The following ADARB2 variants were observed in gnomAD, a reference collection of about 807,000 sequenced individuals.
ADARB2 encodes the protein adenosine deaminase RNA specific B2 (inactive).
ADARB2 carries 25 observed loss-of-function variants against 62.2 expected under a neutral mutation model. That is an observed-to-expected ratio of 0.40 (90% CI 0.29 to 0.56). ADARB2 has a LOEUF of 0.56. ADARB2 is among the 20% of genes least tolerant of loss of function. The pLI is 0.43. For missense variants in ADARB2, 1,071 were observed against 1,077.4 expected (o/e 0.99, Z 0.08); for synonymous variants, 572 against 500.8 (o/e 1.14, Z -1.90).
chr10:1,591,107 G>C (rs1564340551), intron 1 of ADARB2, among the ~76,000 whole-genome samples: 2 of 152,220 alleles, frequency 1.3e-5, no homozygotes. Flanking sequence ...ATCCTTTGTG[G>C]TTCCTCAGAA....
At chr10:1,268,086 GT>G in intron 4 of ADARB2, among the ~76,000 whole-genome samples, 1 of 152,218 alleles carries the variant, frequency 6.6e-6, no homozygotes. Context: ...AGAAATAAAG[GT>G]TTATCTATAA....
At position 1,625,212 on chromosome 10, in the gene ADARB2, G is replaced by C. The variant is rs188851014; in HGVS notation, c.100+111839C>G. ...GCAGAAAGGAGCGTGGTGTGCGGGA[G>C]CAGAGGCTGCTCTCAGCTCATGTGC... On this transcript the variant is annotated intron_variant, in intron 1 of 9. Transcript: ENST00000381312. Among the ~76,000 whole-genome samples the C allele has an allele frequency of 7.1e-4, 108 of 152,352 alleles. 2 individuals carry two copies. The highest frequency in any genetic ancestry group is 2.4e-3 in the African/African-American group (98 of 41,578).
intron 3 of ADARB2, among the ~76,000 whole-genome samples, chr10:1,357,118 G>T (rs543000099): frequency 7.9e-5 from 12 of 152,346 alleles, no homozygotes; most frequent in Non-Finnish European, 1.6e-4. Flanking sequence ...AAAGGGCAGA[G>T]ACGTGAAACC....
intron 1 of ADARB2, among the ~76,000 whole-genome samples, chr10:1,472,837 T>G (rs1279070225): frequency 1.3e-5 from 2 of 152,120 alleles, no homozygotes; most frequent in East Asian, 3.9e-4. Context: ...AGGAGAGGGC[T>G]CCCACACACA....
rs773881090 is a variant in ADARB2, at chr10:1,182,963, A to G, written c.*230T>C. ...CACAGGAAGAGTCGGCGCTAACTCA[A>G]CAGTGCATGTGCCCCTGGGTGTGGG... On this transcript the variant is annotated 3_prime_UTR_variant, in exon 10 of 10. Coordinates refer to ENST00000381312, the MANE Select transcript of ADARB2 (RefSeq NM_018702.4). 55 of 543,740 alleles carry G rather than the reference A, an allele frequency of 1.0e-4. No individual in the cohort carries two copies. The highest frequency in any genetic ancestry group is 1.6e-4 in the Non-Finnish European group (50 of 306,152). 33.7% of individuals were successfully genotyped at this position (543,740 alleles called of 1,614,324 possible).
intron 8 of ADARB2, 63 bp from the exon 9 acceptor site, chr10:1,185,102 G>A (rs912807192): frequency 3.2e-6 from 5 of 1,539,296 alleles, no homozygotes; most frequent in Admixed American, 3.6e-5. Context: ...GCTCCCCCAA[G>A]GGCAGCTGCG....
At chr10:1,625,043 T>C (rs1268501663) in intron 1 of ADARB2, among the ~76,000 whole-genome samples, 2 of 152,354 alleles carry the variant, frequency 1.3e-5, no homozygotes, top group East Asian at 3.9e-4. Flanking sequence ...TAGCTAAAGA[T>C]TTTTCTTTTA....
intron 1 of ADARB2, among the ~76,000 whole-genome samples, chr10:1,381,874 C>T (rs1230453514): frequency 3.3e-5 from 5 of 152,098 alleles, no homozygotes; most frequent in African/African-American, 1.2e-4. Flanking sequence ...AGGTGTTGGT[C>T]TAGGGTACAA....
intron 3 of ADARB2, among the ~76,000 whole-genome samples, chr10:1,313,807 A>G (rs1199835225): frequency 2.0e-5 from 3 of 152,242 alleles, no homozygotes; most frequent in African/African-American, 7.2e-5. Flanking sequence ...ACATGCTTGC[A>G]TCAACCTTCC....
chr10:1,272,638 C>G (rs1831273849), intron 3 of ADARB2, among the ~76,000 whole-genome samples: 1 of 152,208 alleles, frequency 6.6e-6, no homozygotes, highest in African/African-American at 2.4e-5. Context: ...CCACATAGGA[C>G]AGATTGCAGA....
intron 1 of ADARB2, among the ~76,000 whole-genome samples, chr10:1,599,923 T>C (rs1314847807): frequency 6.6e-6 from 1 of 152,092 alleles, no homozygotes; most frequent in African/African-American, 2.4e-5. Context: ...TTGTATTTTT[T>C]TTCTAGAAAT....
intron 1 of ADARB2, among the ~76,000 whole-genome samples, chr10:1,679,718 C>T (rs920924263): frequency 1.3e-5 from 2 of 152,148 alleles, no homozygotes; most frequent in Non-Finnish European, 2.9e-5. Context: ...CTGACACACA[C>T]GCGGCGTCTA....
At chr10:1,322,428 T>A (rs557299976) in intron 3 of ADARB2, among the ~76,000 whole-genome samples, 1 of 152,322 alleles carries the variant, frequency 6.6e-6, no homozygotes, top group South Asian at 2.1e-4. Context: ...GATTTCTTCA[T>A]GACTTACTAC....
At chr10:1,672,201 G>A (rs1834394784) in intron 1 of ADARB2, among the ~76,000 whole-genome samples, 1 of 152,158 alleles carries the variant, frequency 6.6e-6, no homozygotes, top group African/African-American at 2.4e-5. Context: ...GTCTCCACGG[G>A]CACTGCCAAC....
intron 1 of ADARB2, among the ~76,000 whole-genome samples, chr10:1,574,756 C>A (rs78099850): frequency 0.042 from 6,416 of 151,914 alleles, 445 homozygotes; most frequent in African/African-American, 0.15. Context: ...ACCCCACCTC[C>A]AAACCCAGTC....
intron 1 of ADARB2, among the ~76,000 whole-genome samples, chr10:1,451,816 C>T (rs117109249): frequency 0.059 from 9,049 of 152,270 alleles, 360 homozygotes; most frequent in East Asian, 0.13. Context: ...AGGGAGCCCC[C>T]ACCATGTGCC....
chr10:1,503,119 C>T (rs1217869561), intron 1 of ADARB2, among the ~76,000 whole-genome samples: 2 of 152,216 alleles, frequency 1.3e-5, no homozygotes, highest in African/African-American at 4.8e-5. Context: ...TAGAGCTTTA[C>T]TCAGTAAATT....
At chr10:1,444,959 T>C (rs1440583177) in intron 1 of ADARB2, among the ~76,000 whole-genome samples, 7 of 138,478 alleles carry the variant, frequency 5.1e-5, no homozygotes, top group South Asian at 4.8e-4. Context: ...ACCCATCCAT[T>C]CATCCACCCA....
chr10:1,305,591 C>T (rs1242512979), intron 3 of ADARB2, among the ~76,000 whole-genome samples: 1 of 152,074 alleles, frequency 6.6e-6, no homozygotes, highest in African/African-American at 2.4e-5. Flanking sequence ...CTGGCAGAGA[C>T]ACAACCAAAA....
Sources: gnomAD v4.1 joint callset for allele counts (sites outside exome capture counted in the v4.1 genomes callset) on GRCh38, gnomAD v4.1.1 for gene constraint, MANE v1.5 for transcripts, NCBI Gene and HGNC (gene_info 2026-07-23, HGNC 2026-07-21) for gene names.